Variants in VWA8 observed in about 807,000 individuals in gnomAD.
VWA8 encodes von Willebrand factor A domain containing 8, also known as von Willebrand factor A domain-containing protein 8.
In VWA8, 221 loss-of-function variants were observed where a neutral mutation model predicts 241.5. That is an observed-to-expected ratio of 0.91 (90% confidence interval 0.82 to 1.02). The LOEUF (loss-of-function observed/expected upper bound fraction) is 1.02. Ranked by LOEUF, VWA8 falls within the 50% of genes least tolerant of loss-of-function variation. VWA8 has a pLI of 0.00. For synonymous variants in VWA8, 852 were observed against 827.1 expected, an observed-to-expected ratio of 1.03 and a Z score of -0.52; for missense variants, 2,322 against 2,328.7, an observed-to-expected ratio of 1.00 and a Z score of 0.06.
At chr13:41,575,658 G>A in intron 43 of VWA8, 82 bp downstream of exon 43, 1 of 979,574 alleles carries the variant, frequency 1.0e-6, no homozygotes, top group Non-Finnish European at 1.5e-6. Context: ...CTGTGTATCT[G>A]CTGCTGCTTC....
intron 43 of VWA8, among the ~76,000 whole-genome samples, chr13:41,573,486 A>AAAATAAATAAATATATATATATATAT: frequency 8.8e-6 from 1 of 113,612 alleles, no homozygotes; most frequent in African/African-American, 3.4e-5. Context: ...AAAAAAAAAA[A>AAAATAAATAAATATATATATATATAT]ATATATATAT....
chr13:41,712,679 G>A (rs749034406), intron 26 of VWA8, among the ~76,000 whole-genome samples: 1 of 152,182 alleles, frequency 6.6e-6, no homozygotes, highest in Non-Finnish European at 1.5e-5. Context: ...GAATCAGAGA[G>A]ATCTGTGGTT....
chr13:41,926,710 C>T (rs1876860083), intron 2 of VWA8: 13 of 536,508 alleles, frequency 2.4e-5, no homozygotes, highest in South Asian at 1.9e-4. Flanking sequence ...ACCCAGATGG[C>T]CCATAGGGCC....
At chr13:41,837,038 TAGA>T (rs1871767936) in intron 12 of VWA8, among the ~76,000 whole-genome samples, 1 of 73,880 alleles carries the variant, frequency 1.4e-5, no homozygotes, top group African/African-American at 5.2e-5. Context: ...AGATAGATGA[TAGA>T]TAGATAGATA....
intron 38 of VWA8, among the ~76,000 whole-genome samples, chr13:41,612,231 G>A (rs758833201): frequency 1.3e-5 from 2 of 151,736 alleles, no homozygotes; most frequent in Non-Finnish European, 2.9e-5. Flanking sequence ...GTTTTTTTCT[G>A]TTCTGCAAAT....
At chr13:41,807,287 T>C (rs116317991) in intron 17 of VWA8, among the ~76,000 whole-genome samples, 2,887 of 152,228 alleles carry the variant, frequency 0.019, 95 homozygotes, top group African/African-American at 0.065. Flanking sequence ...CCAATCCTAC[T>C]GAAACCATTC....
intron 21 of VWA8, among the ~76,000 whole-genome samples, chr13:41,746,221 A>T (rs1409244070): frequency 6.6e-6 from 1 of 152,238 alleles, no homozygotes; most frequent in Admixed American, 6.5e-5. Context: ...CTAAAAAAGT[A>T]AATAACACTT....
chr13:41,924,921 A>G (rs946959111), intron 2 of VWA8, among the ~76,000 whole-genome samples: 4 of 152,198 alleles, frequency 2.6e-5, no homozygotes, highest in Non-Finnish European at 5.9e-5. Context: ...TGAAGCTTAA[A>G]AGTCTCCAAA....
rs181581241 is a variant in VWA8, at chr13:41,959,231, T to C, written c.163+1622A>G. On this transcript the variant is annotated intron_variant, in intron 1 of 44. Transcript: ENST00000379310. The stretch of plus-strand genomic sequence containing the variant: ...ATCCTCACAACAACCATAATAGATA[T>C]ATTCTTCTTATCCTTTTACAGTTAA... Among the ~76,000 whole-genome samples, 4 of 152,298 alleles carry C rather than the reference T, an allele frequency of 2.6e-5. No individual in the cohort carries two copies. The East Asian group carries it at 7.7e-4, about 29-fold the overall frequency.
At chr13:41,608,316 A>C (rs1175944387) in intron 39 of VWA8, among the ~76,000 whole-genome samples, 1 of 152,166 alleles carries the variant, frequency 6.6e-6, no homozygotes, top group Non-Finnish European at 1.5e-5. Context: ...TGATGACTGA[A>C]GCAAGGGATG....
Position 41,567,774 on chromosome 13 carries a change from T to C in VWA8, c.*423A>G, listed in dbSNP as rs80065557. 2,642 of 157,476 alleles carry C rather than the reference T, an allele frequency of 0.017. 81 individuals are homozygous for C. The highest frequency in any genetic ancestry group is 0.059 in the African/African-American group (2,475 of 41,680). 9.8% of individuals were successfully genotyped at this position (157,476 alleles called of 1,614,324 possible). On this transcript the variant is annotated 3_prime_UTR_variant, in exon 45 of 45. Transcript: ENST00000379310. Reference sequence around the variant, plus strand: ...CATTTTGGTGGGTTTTGCACAGACTTGCATCTTGTGTCAGAATGTGACATC... The same window carrying C: ...CATTTTGGTGGGTTTTGCACAGACTCGCATCTTGTGTCAGAATGTGACATC...
intron 28 of VWA8, among the ~76,000 whole-genome samples, chr13:41,700,246 G>A (rs1220775048): frequency 1.3e-5 from 2 of 151,976 alleles, no homozygotes; most frequent in Non-Finnish European, 2.9e-5. Context: ...AACACTATGT[G>A]TGTCTGTGTG....
intron 12 of VWA8, among the ~76,000 whole-genome samples, chr13:41,846,826 C>G: frequency 6.6e-6 from 1 of 152,110 alleles, no homozygotes; most frequent in Non-Finnish European, 1.5e-5. Flanking sequence ...CACCTGAGGC[C>G]AGGAGTTCAA....
intron 42 of VWA8, among the ~76,000 whole-genome samples, chr13:41,580,527 C>T (rs541893131): frequency 8.5e-5 from 13 of 152,120 alleles, no homozygotes; most frequent in Non-Finnish European, 1.9e-4. Context: ...GTTAACTCAG[C>T]CTTTCTGATC....
At chr13:41,855,320 T>A (rs1872697071) in intron 12 of VWA8, among the ~76,000 whole-genome samples, 1 of 145,282 alleles carries the variant, frequency 6.9e-6, no homozygotes, top group African/African-American at 2.5e-5. Flanking sequence ...ATATATTTAT[T>A]TATATATATA....
intron 17 of VWA8, among the ~76,000 whole-genome samples, chr13:41,803,578 T>G (rs1043264065): frequency 1.3e-5 from 2 of 152,154 alleles, no homozygotes; most frequent in African/African-American, 4.8e-5. Flanking sequence ...CCAGTTCTCA[T>G]GAGACTTATT....
intron 37 of VWA8, among the ~76,000 whole-genome samples, chr13:41,637,410 T>C (rs1334884307): frequency 2.0e-5 from 2 of 99,232 alleles, no homozygotes; most frequent in Admixed American, 1.4e-4. Context: ...CTGGGGCCTG[T>C]TGTGGGGTGG....
rs368781843 is a variant in VWA8, at chr13:41,940,880, T to C, written c.241+9056A>G. 1.7e-3 allele frequency among the ~76,000 whole-genome samples: 260 copies of C among 152,298 alleles called. 2 individuals are homozygous for C. Among genetic ancestry groups the C allele is most frequent in the African/African-American group, 5.8e-3 (239 of 41,560 alleles). Reference sequence around the variant, plus strand: ...TAATAGATGAGGAATACTTATATTGTGATTATGGTAGGAATAATGATGAAT... The same window carrying C: ...TAATAGATGAGGAATACTTATATTGCGATTATGGTAGGAATAATGATGAAT... On this transcript the variant is annotated intron_variant, in intron 2 of 44. Coordinates refer to ENST00000379310, the MANE Select transcript of VWA8 (RefSeq NM_015058.2).
intron 2 of VWA8, among the ~76,000 whole-genome samples, chr13:41,931,508 T>C (rs186684478): frequency 6.6e-6 from 1 of 152,140 alleles, no homozygotes; most frequent in African/African-American, 2.4e-5. Flanking sequence ...ATGAGGACTA[T>C]AAGTAATAAA....
Sources: gnomAD v4.1 joint callset for allele counts (sites outside exome capture counted in the v4.1 genomes callset) on GRCh38, gnomAD v4.1.1 for gene constraint, MANE v1.5 for transcripts, NCBI Gene and HGNC (gene_info 2026-07-23, HGNC 2026-07-21) for gene names.